Variants in RABGAP1L observed in about 807,000 individuals in gnomAD.
The protein encoded by RABGAP1L is RAB GTPase activating protein 1 like.
A neutral mutation model predicts 137.7 loss-of-function variants in RABGAP1L; 63 were observed. The ratio of observed to expected loss-of-function variants is 0.46; its 90% CI spans 0.37 to 0.56. RABGAP1L has a LOEUF of 0.56. RABGAP1L is among the 20% of genes least tolerant of loss of function. The pLI, the probability that RABGAP1L is intolerant of heterozygous loss-of-function variation, is 0.00. For missense variants in RABGAP1L, 1,095 were observed against 1,244.0 expected (o/e 0.88, Z 1.80); for synonymous variants, 431 against 433.7 (o/e 0.99, Z 0.08).
chr1:174,178,330 CT>C (rs1301683111), intron 1 of RABGAP1L, among the ~76,000 whole-genome samples: 1 of 152,126 alleles, frequency 6.6e-6, no homozygotes, highest in East Asian at 1.9e-4. Context: ...TATCCTGAGA[CT>C]TTGCCGAAGT....
At chr1:174,395,116 T>G (rs2149086647) in intron 13 of RABGAP1L, among the ~76,000 whole-genome samples, 1 of 152,274 alleles carries the variant, frequency 6.6e-6, no homozygotes, top group Non-Finnish European at 1.5e-5. Flanking sequence ...TGGTGTGCCA[T>G]AGTACTGAGG....
intron 10 of RABGAP1L, among the ~76,000 whole-genome samples, chr1:174,279,581 TA>T (rs900950916): frequency 6.6e-6 from 1 of 152,126 alleles, no homozygotes; most frequent in Non-Finnish European, 1.5e-5. Context: ...ATTTTCATAT[TA>T]AAAAAACTGC....
intron 14 of RABGAP1L, among the ~76,000 whole-genome samples, chr1:174,677,851 A>C (rs1007483869): frequency 6.6e-6 from 1 of 152,246 alleles, no homozygotes; most frequent in African/African-American, 2.4e-5. Context: ...CTATCTTAAC[A>C]AGCTAGAAAA....
chr1:174,429,960 T>C (rs2149192931), intron 13 of RABGAP1L, among the ~76,000 whole-genome samples: 1 of 152,290 alleles, frequency 6.6e-6, no homozygotes, highest in Non-Finnish European at 1.5e-5. Context: ...GGTCACTAGT[T>C]ATTAGCAAGG....
Position 174,240,409 on chromosome 1 carries a change from G to A in RABGAP1L, c.543-1074G>A, listed in dbSNP as rs185945655. 1.5e-4 allele frequency among the ~76,000 whole-genome samples: 23 copies of A among 152,254 alleles called. No individual in the cohort carries two copies. The Middle Eastern group carries it at 0.017, about 113-fold the overall frequency. ...ATACCGGTTCCCACCGCCATGCCTG[G>A]CTGATTTTTGTATTTATCAGAAGAG... On this transcript the variant is annotated intron_variant, in intron 4 of 25. Transcript: ENST00000681986.
intron 19 of RABGAP1L, among the ~76,000 whole-genome samples, chr1:174,950,085 GGGAAA>G (rs1667484379): frequency 6.6e-6 from 1 of 152,130 alleles, no homozygotes; most frequent in Non-Finnish European, 1.5e-5. Flanking sequence ...TTGAGTAATT[GGGAAA>G]GCTAGACATG....
At chr1:174,977,711 C>G (rs1366676389) in intron 22 of RABGAP1L, among the ~76,000 whole-genome samples, 2 of 152,200 alleles carry the variant, frequency 1.3e-5, no homozygotes, top group Non-Finnish European at 2.9e-5. Flanking sequence ...CTCAAAGACT[C>G]TCAGCCAGCC....
chr1:174,325,238 G>C (rs1680334383), intron 11 of RABGAP1L, among the ~76,000 whole-genome samples: 1 of 152,150 alleles, frequency 6.6e-6, no homozygotes, highest in Admixed American at 6.5e-5. Context: ...TTAATAGTGG[G>C]GGAAAGAAAG....
At chr1:174,362,737 T>C (rs1421286598) in intron 11 of RABGAP1L, among the ~76,000 whole-genome samples, 2 of 152,246 alleles carry the variant, frequency 1.3e-5, no homozygotes, top group East Asian at 3.8e-4. Flanking sequence ...GTCTGTTTAC[T>C]CTGTTGATAG....
At chr1:174,886,767 CT>C (rs772581399) in intron 19 of RABGAP1L, among the ~76,000 whole-genome samples, 20 of 151,882 alleles carry the variant, frequency 1.3e-4, no homozygotes, top group Middle Eastern at 6.8e-3. Context: ...ATTTTCATAA[CT>C]TTTTTCTTTA....
At chr1:174,641,430 T>C (rs1044276638) in intron 14 of RABGAP1L, among the ~76,000 whole-genome samples, 1 of 152,136 alleles carries the variant, frequency 6.6e-6, no homozygotes, top group Non-Finnish European at 1.5e-5. Context: ...AAAGTATTAG[T>C]AGAATTCATA....
chr1:174,292,576 A>G (rs188647439), intron 10 of RABGAP1L, among the ~76,000 whole-genome samples: 72 of 150,600 alleles, frequency 4.8e-4, no homozygotes, highest in African/African-American at 1.6e-3. Context: ...TTTTTTTGCT[A>G]TTGACTTCTG....
intron 11 of RABGAP1L, among the ~76,000 whole-genome samples, chr1:174,346,853 C>T (rs1302854233): frequency 6.6e-6 from 1 of 151,794 alleles, no homozygotes; most frequent in East Asian, 1.9e-4. Context: ...GATGTAGGTG[C>T]TTATAGCTAT....
intron 19 of RABGAP1L, among the ~76,000 whole-genome samples, chr1:174,943,610 C>T (rs1044275775): frequency 3.3e-5 from 5 of 152,060 alleles, no homozygotes; most frequent in Admixed American, 6.6e-5. Context: ...CTGAGGTAGG[C>T]GGATCACGAG....
intron 20 of RABGAP1L, among the ~76,000 whole-genome samples, chr1:174,967,080 G>A (rs1669693047): frequency 6.6e-6 from 1 of 151,880 alleles, no homozygotes; most frequent in African/African-American, 2.4e-5. Flanking sequence ...TTGTTACAAT[G>A]AGATTCTCCA....
intron 19 of RABGAP1L, among the ~76,000 whole-genome samples, chr1:174,903,308 A>G (rs893164675): frequency 6.6e-6 from 1 of 152,250 alleles, no homozygotes; most frequent in Admixed American, 6.5e-5. Context: ...TTGTCCCATT[A>G]CAACTCTGGG....
At chr1:174,386,726 C>G (rs1421518169) in intron 12 of RABGAP1L, among the ~76,000 whole-genome samples, 2 of 152,016 alleles carry the variant, frequency 1.3e-5, no homozygotes, top group Non-Finnish European at 2.9e-5. Flanking sequence ...CCGGGCTGGT[C>G]TTGAACTCCT....
chr1:174,859,871 A>T (rs997907792), intron 19 of RABGAP1L, among the ~76,000 whole-genome samples: 3 of 151,944 alleles, frequency 2.0e-5, no homozygotes, highest in African/African-American at 7.3e-5. Context: ...TAGAAATAAC[A>T]ATTTTTATAT....
intron 19 of RABGAP1L, among the ~76,000 whole-genome samples, chr1:174,920,397 G>A (rs1026409467): frequency 6.6e-6 from 1 of 152,166 alleles, no homozygotes; most frequent in Non-Finnish European, 1.5e-5. Context: ...TTCACTATCA[G>A]GAGAACAGTG....
Sources: gnomAD v4.1 joint callset for allele counts (sites outside exome capture counted in the v4.1 genomes callset) on GRCh38, gnomAD v4.1.1 for gene constraint, MANE v1.5 for transcripts, NCBI Gene and HGNC (gene_info 2026-07-23, HGNC 2026-07-21) for gene names.